PPM1L: variants seen among roughly 807,000 people sequenced by gnomAD.
PPM1L encodes the protein protein phosphatase 1L.
PPM1L carries 13 observed loss-of-function variants against 31.4 expected under a neutral mutation model. That is an observed-to-expected ratio of 0.41 (90% CI 0.27 to 0.66). The LOEUF (loss-of-function observed/expected upper bound fraction) is 0.66. PPM1L is among the 30% of genes least tolerant of loss of function. The pLI, the probability that PPM1L is intolerant of heterozygous loss-of-function variation, is 0.29. For synonymous variants in PPM1L, 184 were observed against 175.4 expected, an observed-to-expected ratio of 1.05 and a Z score of -0.39; for missense variants, 326 against 453.7, an observed-to-expected ratio of 0.72 and a Z score of 2.56.
At position 160,897,234 on chromosome 3, in the gene PPM1L, G is replaced by C. The variant is rs532303005; in HGVS notation, c.400-64502G>C. On this transcript the variant is annotated intron_variant, in intron 1 of 3. Coordinates refer to ENST00000498165, the MANE Select transcript of PPM1L (RefSeq NM_139245.4). Reference sequence around the variant, plus strand: ...ATATTTGTATTTTTAGTAGAGATGGGGTTTCACCATGTTGGCCAGGATGGT... The same window carrying C: ...ATATTTGTATTTTTAGTAGAGATGGCGTTTCACCATGTTGGCCAGGATGGT... Among the ~76,000 whole-genome samples the C allele has an allele frequency of 2.0e-5, 3 of 151,944 alleles. No homozygotes were observed. The South Asian group carries it at 6.2e-4, about 32-fold the overall frequency.
At chr3:160,981,732 T>TTTTA (rs571936460) in intron 2 of PPM1L, among the ~76,000 whole-genome samples, 24,647 of 139,704 alleles carry the variant, frequency 0.18, 2,550 homozygotes, top group African/African-American at 0.27. Context: ...TTCCTTCTCA[T>TTTTA]TTTATTTATT....
Position 161,073,190 on chromosome 3 carries a change from A to T in PPM1L, c.*4033A>T, listed in dbSNP as rs186481411. The stretch of plus-strand genomic sequence containing the variant: ...CCATCTTAGAAAGTTAGTGAACATG[A>T]GCACATCAAAGGCTCTAATTTAAAT... On this transcript the variant is annotated 3_prime_UTR_variant, in exon 4 of 4. Transcript: ENST00000498165. The T allele has an allele frequency of 6.6e-6, 1 of 152,372 alleles. No homozygotes were observed. Among genetic ancestry groups the T allele is most frequent in the East Asian group, 1.9e-4 (1 of 5,186 alleles). The allele number at this position is 152,372 out of a possible 1,614,324, so 9.4% of individuals were successfully genotyped here. A position where few individuals can be genotyped will look rare whatever the true frequency, so the allele number is the denominator to read the frequency against.
At chr3:160,964,682 G>C (rs889391945) in intron 2 of PPM1L, among the ~76,000 whole-genome samples, 1 of 152,002 alleles carries the variant, frequency 6.6e-6, no homozygotes, top group Non-Finnish European at 1.5e-5. Context: ...GCTTTGAAAA[G>C]TCTAGCAACA....
At chr3:160,909,611 A>G (rs984712378) in intron 1 of PPM1L, among the ~76,000 whole-genome samples, 9 of 152,166 alleles carry the variant, frequency 5.9e-5, no homozygotes, top group Non-Finnish European at 1.0e-4. Flanking sequence ...CCCTCTCTTA[A>G]GGAGGGAGTT....
chr3:160,879,326 C>T (rs76261828), intron 1 of PPM1L, among the ~76,000 whole-genome samples: 8,797 of 152,058 alleles, frequency 0.058, 315 homozygotes, highest in Admixed American at 0.1. Flanking sequence ...GCAGTTCCAT[C>T]CCAGGAATGA....
At chr3:160,784,318 C>G (rs1448857021) in intron 1 of PPM1L, among the ~76,000 whole-genome samples, 29 of 152,042 alleles carry the variant, frequency 1.9e-4, no homozygotes, top group Admixed American at 1.8e-3. Context: ...GTATCATTTA[C>G]TAGAGTTGTG....
chr3:160,789,207 C>T (rs184587525), intron 1 of PPM1L, among the ~76,000 whole-genome samples: 46 of 151,928 alleles, frequency 3.0e-4, no homozygotes, highest in Admixed American at 3.0e-3. Flanking sequence ...TAGACTTATT[C>T]TCAAGACTTT....
chr3:160,854,913 A>AAAC lies in PPM1L; in HGVS notation c.399+98209_399+98211dup, dbSNP rs781459058. 3.3e-5 allele frequency among the ~76,000 whole-genome samples: 5 copies of AAAC among 151,750 alleles called. No homozygotes were observed. The East Asian group carries it at 5.8e-4, about 18-fold the overall frequency. On this transcript the variant is annotated intron_variant, in intron 1 of 3. Coordinates refer to ENST00000498165, the MANE Select transcript of PPM1L (RefSeq NM_139245.4). Reference sequence around the variant, plus strand: ...AAAAAAAAAAGAGTCCGAATAGCCAAAACAATCCTAAGCAAAAAAAAAACA... The same window carrying AAAC: ...AAAAAAAAAAGAGTCCGAATAGCCAAAACAACAATCCTAAGCAAAAAAAAAACA...
At chr3:160,919,690 CAT>C (rs752073463) in intron 1 of PPM1L, among the ~76,000 whole-genome samples, 3 of 152,132 alleles carry the variant, frequency 2.0e-5, no homozygotes, top group East Asian at 3.9e-4. Context: ...TTATAACTGA[CAT>C]AGTTTGTCAG....
chr3:160,829,255 C>CTTTTATGTCTG (rs970392281), intron 1 of PPM1L, among the ~76,000 whole-genome samples: 5 of 151,686 alleles, frequency 3.3e-5, no homozygotes, highest in Non-Finnish European at 5.9e-5. Flanking sequence ...AAAACCTAGC[C>CTTTTATGTCTG]TTTTATGTCT....
At chr3:160,975,535 C>G (rs1043785667) in intron 2 of PPM1L, among the ~76,000 whole-genome samples, 1 of 152,034 alleles carries the variant, frequency 6.6e-6, no homozygotes, top group Non-Finnish European at 1.5e-5. Context: ...TGTTTGTATC[C>G]TTTTTTATTT....
At chr3:160,857,600 T>C (rs1239589881) in intron 1 of PPM1L, among the ~76,000 whole-genome samples, 2 of 152,238 alleles carry the variant, frequency 1.3e-5, no homozygotes, top group African/African-American at 4.8e-5. Flanking sequence ...TATTCTACTG[T>C]TTATTGTTTA....
chr3:160,891,358 G>T (rs1191339449), intron 1 of PPM1L, among the ~76,000 whole-genome samples: 1 of 151,544 alleles, frequency 6.6e-6, no homozygotes, highest in African/African-American at 2.4e-5. Context: ...ATGTCTTCTT[G>T]AAAGAAGACA....
chr3:160,927,647 C>T (rs723757), intron 1 of PPM1L, among the ~76,000 whole-genome samples: 55,461 of 151,738 alleles, frequency 0.37, 12,918 homozygotes, highest in Non-Finnish European at 0.53. Flanking sequence ...TGCGTGCGCG[C>T]GCATGCACGT....
At chr3:160,970,834 G>A (rs1203058203) in intron 2 of PPM1L, among the ~76,000 whole-genome samples, 1 of 130,370 alleles carries the variant, frequency 7.7e-6, no homozygotes, top group African/African-American at 3.0e-5. Context: ...CTGTCGCCCA[G>A]GCTGGAGTGC....
chr3:160,808,311 GTGTGTGTGTGCGTGCA>G lies in PPM1L; in HGVS notation c.399+51611_399+51626del, dbSNP rs1223307183. Among the ~76,000 whole-genome samples the G allele has an allele frequency of 4.9e-3, 741 of 149,750 alleles. 7 individuals are homozygous for G. Among genetic ancestry groups the G allele is most frequent in the African/African-American group, 0.017 (672 of 39,550 alleles). On this transcript the variant is annotated intron_variant, in intron 1 of 3. Transcript: ENST00000498165. Reference sequence around the variant, plus strand: ...CCTCTGTGTGTGTGTGTGTGTGTGTGTGTGTGTGTGCGTGCATGTGTGGTGGGTGAGGGAAGCTGGG... The same window carrying G: ...CCTCTGTGTGTGTGTGTGTGTGTGTGTGTGTGGTGGGTGAGGGAAGCTGGG...
At chr3:160,772,987 GT>G (rs1715297371) in intron 1 of PPM1L, among the ~76,000 whole-genome samples, 1 of 152,104 alleles carries the variant, frequency 6.6e-6, no homozygotes, top group Non-Finnish European at 1.5e-5. Flanking sequence ...CATTTGAGTT[GT>G]TTGAGTTTTT....
At chr3:160,827,447 TTGTGTGTGTGTGTGTGTG>T (rs59524935) in intron 1 of PPM1L, among the ~76,000 whole-genome samples, 3 of 141,360 alleles carry the variant, frequency 2.1e-5, no homozygotes, top group Admixed American at 7.1e-5. Flanking sequence ...TGATATAAGT[TTGTGTGTGTGTGTGTGTG>T]TGTGTGTGTG....
chr3:160,939,922 G>A (rs566930271), intron 1 of PPM1L, among the ~76,000 whole-genome samples: 3 of 152,210 alleles, frequency 2.0e-5, no homozygotes, highest in African/African-American at 7.2e-5. Context: ...GGAAAATGTG[G>A]GAAAGCCTGG....
Sources: gnomAD v4.1 joint callset for allele counts (sites outside exome capture counted in the v4.1 genomes callset) on GRCh38, gnomAD v4.1.1 for gene constraint, MANE v1.5 for transcripts, NCBI Gene and HGNC (gene_info 2026-07-23, HGNC 2026-07-21) for gene names.